MRPS27: variants seen among roughly 807,000 people sequenced by gnomAD.
The protein encoded by MRPS27 is small ribosomal subunit protein mS27.
MRPS27 carries 43 observed loss-of-function variants against 48.9 expected under a neutral mutation model. That is an observed-to-expected ratio of 0.88 (90% CI 0.69 to 1.13). The LOEUF is 1.13. Ranked by LOEUF, MRPS27 falls within the 50% of genes most tolerant of loss-of-function variation. MRPS27 has a pLI of 0.00. For synonymous variants in MRPS27, 188 were observed against 171.9 expected (o/e 1.09, Z -0.73); for missense variants, 467 against 476.3 (o/e 0.98, Z 0.18).
rs143761339 is a variant in MRPS27 at position 72,320,189 on chromosome 5, G to A, written c.33C>T (p.Leu11=). Residue 11 remains leucine, a synonymous_variant, in exon 1 of 11, where the codon CTC becomes CTT. Coordinates refer to ENST00000261413, the MANE Select transcript of MRPS27 (RefSeq NM_015084.3). MAASIVRRGM[L]LARQVVLPQL... is the part of the protein sequence containing the mutation. ...GAGGAAGAACCACTTGCCGCGCCAG[G>A]AGCATCCCGCGCCGCACTATGGAGG... 30 of 1,613,834 alleles carry A rather than the reference G, an allele frequency of 1.9e-5. No individual in the cohort carries two copies. The highest frequency in any genetic ancestry group is 4.5e-5 in the East Asian group (2 of 44,878).
At chr5:72,280,651 A>G (rs1749511303) in intron 4 of MRPS27, among the ~76,000 whole-genome samples, 1 of 152,254 alleles carries the variant, frequency 6.6e-6, no homozygotes, top group Admixed American at 6.5e-5. Flanking sequence ...TGTGCATGCC[A>G]GATATCAAAA....
intron 7 of MRPS27, among the ~76,000 whole-genome samples, chr5:72,230,827 A>G (rs1444863906): frequency 6.6e-6 from 1 of 152,156 alleles, no homozygotes; most frequent in African/African-American, 2.4e-5. Flanking sequence ...GCATCCAGAC[A>G]TATGAGTCAG....
In MRPS27 at chr5:72,320,060, A is replaced by G; in HGVS notation, c.73+89T>C. On this transcript the variant is annotated intron_variant, in intron 1 of 10. Transcript: ENST00000261413. The stretch of plus-strand genomic sequence containing the variant: ...ATGGCGTCCCTAGCAATCAGATTCC[A>G]GAAACGTTTCCTCTCCTCTTGAAAG... 3.6e-6 allele frequency: 5 copies of G among 1,376,870 alleles called. No homozygotes were observed. In the South Asian group the frequency reaches 4.7e-5, roughly 13 times the overall value. The allele number at this position is 1,376,870 out of a possible 1,614,324, so 85.3% of individuals were successfully genotyped here.
intron 2 of MRPS27, among the ~76,000 whole-genome samples, chr5:72,302,647 G>T (rs909664536): frequency 2.6e-5 from 4 of 152,206 alleles, no homozygotes; most frequent in African/African-American, 9.6e-5. Flanking sequence ...GAGGCCAAAG[G>T]CAAGATGGAA....
intron 7 of MRPS27, among the ~76,000 whole-genome samples, chr5:72,230,807 G>A (rs1033966719): frequency 6.6e-6 from 1 of 152,074 alleles, no homozygotes; most frequent in Non-Finnish European, 1.5e-5. Flanking sequence ...AACAACACAT[G>A]GAACACCTTG....
chr5:72,313,961 T>C, intron 2 of MRPS27, 120 bp downstream of exon 2: 1 of 716,914 alleles, frequency 1.4e-6, no homozygotes, highest in Admixed American at 2.7e-5. Context: ...ACTTAAAACA[T>C]GCTTATCTGA....
intron 4 of MRPS27, among the ~76,000 whole-genome samples, chr5:72,257,120 A>C (rs1397314548): frequency 1.3e-5 from 2 of 152,196 alleles, no homozygotes; most frequent in African/African-American, 4.8e-5. Context: ...TCCACCCTCC[A>C]CCCAATTTTA....
At chr5:72,292,128 T>C (rs751866426) in intron 4 of MRPS27, among the ~76,000 whole-genome samples, 16 of 152,096 alleles carry the variant, frequency 1.1e-4, no homozygotes, top group Non-Finnish European at 1.9e-4. Flanking sequence ...TTGTTTATTT[T>C]ACTTTGTTTT....
intron 4 of MRPS27, among the ~76,000 whole-genome samples, chr5:72,241,937 C>T (rs1748362673): frequency 6.6e-6 from 1 of 152,166 alleles, no homozygotes. Flanking sequence ...AAAAGAGAAA[C>T]AAATACAACC....
rs1372963247 is a variant in MRPS27, at chr5:72,226,044, C to G, written c.837+13G>C. The G allele has an allele frequency of 6.2e-6, 10 of 1,607,470 alleles. No homozygotes were observed. Among genetic ancestry groups the G allele is most frequent in the Non-Finnish European group, 8.5e-6 (10 of 1,174,738 alleles). The stretch of plus-strand genomic sequence containing the variant: ...ATGGCTAAATCTCACTGCCTTAGAG[C>G]TGAAGAACATACCGCTTCTCTACAC... On this transcript the variant is annotated intron_variant, in intron 9 of 10. Coordinates refer to ENST00000261413, the MANE Select transcript of MRPS27 (RefSeq NM_015084.3).
chr5:72,306,230 TGAAAA>T (rs1231325303), intron 2 of MRPS27, among the ~76,000 whole-genome samples: 1 of 152,096 alleles, frequency 6.6e-6, no homozygotes, highest in African/African-American at 2.4e-5. Flanking sequence ...AGATAATAAA[TGAAAA>T]GAAATGATAA....
intron 4 of MRPS27, among the ~76,000 whole-genome samples, chr5:72,254,692 G>T (rs928966326): frequency 6.6e-6 from 1 of 152,092 alleles, no homozygotes; most frequent in Non-Finnish European, 1.5e-5. Flanking sequence ...TAGCAAATAT[G>T]AGTGAACTTT....
intron 4 of MRPS27, among the ~76,000 whole-genome samples, chr5:72,257,884 ACCAGCCTGG>A (rs1748851139): frequency 6.6e-6 from 1 of 152,080 alleles, no homozygotes; most frequent in Non-Finnish European, 1.5e-5. Context: ...GGAGTTTGAG[ACCAGCCTGG>A]CCAACACGGT....
At chr5:72,310,887 G>T (rs780529319) in intron 2 of MRPS27, among the ~76,000 whole-genome samples, 2 of 152,180 alleles carry the variant, frequency 1.3e-5, no homozygotes, top group Non-Finnish European at 2.9e-5. Context: ...ATGATATCAG[G>T]TATGTCCACA....
chr5:72,267,190 CT>C (rs1269164267), intron 4 of MRPS27, among the ~76,000 whole-genome samples: 2 of 152,224 alleles, frequency 1.3e-5, no homozygotes, highest in Non-Finnish European at 2.9e-5. Flanking sequence ...TATACGGAGT[CT>C]TCCAATTCCA....
intron 7 of MRPS27, among the ~76,000 whole-genome samples, chr5:72,229,931 G>A (rs1197117320): frequency 3.3e-5 from 5 of 152,116 alleles, no homozygotes; most frequent in African/African-American, 4.8e-5. Flanking sequence ...TATTGCCCAG[G>A]CTGGAATGCA....
At chr5:72,252,165 C>T (rs1748684280) in intron 4 of MRPS27, among the ~76,000 whole-genome samples, 1 of 152,130 alleles carries the variant, frequency 6.6e-6, no homozygotes, top group African/African-American at 2.4e-5. Context: ...AAAGGAAAGA[C>T]AAGGGTGAGC....
At chr5:72,315,484 G>C (rs1750542451) in intron 1 of MRPS27, among the ~76,000 whole-genome samples, 1 of 151,286 alleles carries the variant, frequency 6.6e-6, no homozygotes, top group South Asian at 2.1e-4. Flanking sequence ...CTGAGCCCGG[G>C]AGGCAGAGGT....
At chr5:72,305,412 G>A (rs1750235108) in intron 2 of MRPS27, among the ~76,000 whole-genome samples, 1 of 152,128 alleles carries the variant, frequency 6.6e-6, no homozygotes, top group South Asian at 2.1e-4. Flanking sequence ...AAATGACACA[G>A]CAAAACTAAA....
Sources: gnomAD v4.1 joint callset for allele counts (sites outside exome capture counted in the v4.1 genomes callset) on GRCh38, gnomAD v4.1.1 for gene constraint, MANE v1.5 for transcripts, NCBI Gene and HGNC (gene_info 2026-07-23, HGNC 2026-07-21) for gene names.